Variants in MMADHC observed in about 807,000 individuals in gnomAD.
MMADHC encodes the protein cobalamin trafficking protein CblD.
In MMADHC, 23 loss-of-function variants were observed where a neutral mutation model predicts 36.3. The ratio of observed to expected loss-of-function variants is 0.63; its 90% CI spans 0.46 to 0.90. MMADHC has a LOEUF of 0.90. MMADHC is among the 40% of genes least tolerant of loss of function. The pLI is 0.00. For missense variants in MMADHC, 330 were observed against 348.0 expected, an observed-to-expected ratio of 0.95 and a Z score of 0.41; for synonymous variants, 97 against 116.1, an observed-to-expected ratio of 0.84 and a Z score of 1.06.
At chr2:149,583,972 G>A (rs1682828510) in intron 2 of MMADHC, among the ~76,000 whole-genome samples, 1 of 151,984 alleles carries the variant, frequency 6.6e-6, no homozygotes, top group South Asian at 2.1e-4. Context: ...TTAAGACCTG[G>A]ATAAATATAA....
In MMADHC at chr2:149,576,492, A is replaced by C; in HGVS notation, c.423T>G (p.Phe141Leu). The C allele has an allele frequency of 6.2e-7, 1 of 1,613,780 alleles. No individual in the cohort carries two copies. ...TTGCACACTCTACTCTGGCACTTTCAAAGTAAGTTTCTGCACTGTTAATTT... is the reference window on the plus strand; with the variant it reads ...TTGCACACTCTACTCTGGCACTTTCCAAGTAAGTTTCTGCACTGTTAATTT... The part of the protein sequence containing the change: ...EQEINSAETY[F>L]ESARVECAIQ... The change falls in exon 5 of 8, where the codon TTT becomes TTG. Residue 141 changes from phenylalanine to leucine, a missense_variant. Transcript: ENST00000303319.
rs11545261 is a variant in MMADHC at position 149,576,462 on chromosome 2, C to T, written c.453G>A (p.Gln151=). ...FESARVECAI[Q]TCPELLRKDF... ...CTTTTCGCAGCAATTCTGGACATGT[C>T]TGTATTGCACACTCTACTCTGGCAC... Residue 151 remains glutamine (Q), a synonymous_variant, in exon 5 of 8, where the codon CAG becomes CAA. Coordinates refer to ENST00000303319, the MANE Select transcript of MMADHC (RefSeq NM_015702.3). 1,429,093 of 1,611,946 alleles carry T rather than the reference C, an allele frequency of 0.89. 639,717 individuals carry two copies. Among genetic ancestry groups the T allele is most frequent in the Non-Finnish European group, 0.91 (1,071,372 of 1,178,314 alleles).
chr2:149,583,446 A>C (rs935679730), intron 2 of MMADHC, among the ~76,000 whole-genome samples: 3 of 152,184 alleles, frequency 2.0e-5, no homozygotes, highest in Admixed American at 2.0e-4. Flanking sequence ...GGCAACTATA[A>C]AAGACTGTAT....
chr2:149,579,849 G>A (rs956734663), intron 3 of MMADHC, among the ~76,000 whole-genome samples: 2 of 152,102 alleles, frequency 1.3e-5, no homozygotes, highest in Non-Finnish European at 2.9e-5. Context: ...AGGCAAGTCC[G>A]TTATTAGGGG....
intron 2 of MMADHC, among the ~76,000 whole-genome samples, chr2:149,584,364 TTTTA>T (rs1442195640): frequency 1.3e-5 from 2 of 152,226 alleles, no homozygotes; most frequent in Admixed American, 1.3e-4. Flanking sequence ...ATATACATTG[TTTTA>T]TTTAATTTTC....
At chr2:149,578,113 A>G (rs1682742987) in intron 4 of MMADHC, among the ~76,000 whole-genome samples, 2 of 152,212 alleles carry the variant, frequency 1.3e-5, no homozygotes. Flanking sequence ...AGTAAGTTGC[A>G]GAGTCAATCT....
At chr2:149,572,624 A>G (rs970535671) in intron 6 of MMADHC, among the ~76,000 whole-genome samples, 1 of 152,108 alleles carries the variant, frequency 6.6e-6, no homozygotes, top group Non-Finnish European at 1.5e-5. Context: ...AGGAGATAGA[A>G]AGCAAGAGTT....
chr2:149,581,995 G>C, intron 3 of MMADHC, 132 bp downstream of exon 3: 1 of 938,304 alleles, frequency 1.1e-6, no homozygotes. Flanking sequence ...AGGCAGAGCT[G>C]TGATTCATTT....
chr2:149,587,143 G>C lies in MMADHC; in HGVS notation c.-46C>G. 6 of 1,595,924 alleles carry C rather than the reference G, an allele frequency of 3.8e-6. No homozygotes were observed. Among genetic ancestry groups the C allele is most frequent in the Non-Finnish European group, 5.2e-6 (6 of 1,163,570 alleles). ...CGCAAAATAGCTTTCCTTTGGTAAA[G>C]TTATTTCTGGGAAAGAACACAACAA... is the stretch of plus-strand genomic sequence containing the variant. On this transcript the variant is annotated 5_prime_UTR_variant, in exon 2 of 8. Transcript: ENST00000303319.
Position 149,569,767 on chromosome 2 carries a change from T to C in MMADHC, c.*207A>G. The stretch of plus-strand genomic sequence containing the variant: ...GCTAATTACCACATCCTATACAATG[T>C]GGATGTGTTCAACGTGTATTCAATG... On this transcript the variant is annotated 3_prime_UTR_variant, in exon 8 of 8. Coordinates refer to ENST00000303319, the MANE Select transcript of MMADHC (RefSeq NM_015702.3). 1 of 536,768 alleles carries C rather than the reference T, an allele frequency of 1.9e-6. No individual in the cohort carries two copies. 33.3% of individuals were successfully genotyped at this position (536,768 alleles called of 1,614,324 possible). A position where few individuals can be genotyped will look rare whatever the true frequency, so the allele number is the denominator to read the frequency against.
intron 6 of MMADHC, chr2:149,572,144 A>G: frequency 2.8e-6 from 1 of 359,654 alleles, no homozygotes; most frequent in Non-Finnish European, 5.3e-6. Context: ...AAGTAGTGAA[A>G]AGACAGTAAC....
chr2:149,580,871 T>C (rs1289418590), intron 3 of MMADHC, among the ~76,000 whole-genome samples: 3 of 152,192 alleles, frequency 2.0e-5, no homozygotes, highest in Non-Finnish European at 2.9e-5. Context: ...TAAATGCAGA[T>C]TCTGATTTAA....
chr2:149,579,973 A>G (rs1487939656), intron 3 of MMADHC, among the ~76,000 whole-genome samples: 1 of 152,232 alleles, frequency 6.6e-6, no homozygotes, highest in Admixed American at 6.5e-5. Flanking sequence ...ACAATGCGTT[A>G]AAAGAAAAAG....
chr2:149,570,944 A>G (rs1682629539), intron 7 of MMADHC, 141 bp downstream of exon 7: 1 of 642,302 alleles, frequency 1.6e-6, no homozygotes, highest in East Asian at 2.8e-5. Flanking sequence ...TGAGAATTCA[A>G]CTGACTCACA....
intron 3 of MMADHC, among the ~76,000 whole-genome samples, chr2:149,580,383 A>G (rs568059699): frequency 2.0e-5 from 3 of 152,316 alleles, no homozygotes; most frequent in South Asian, 4.1e-4. Context: ...CATGCATCAC[A>G]TGACCTAATG....
At position 149,571,168 on chromosome 2, in the gene MMADHC, TG is replaced by T; in HGVS notation, c.612del (p.Phe204LeufsTer49). ...TAGCAAATTTCCTTAGCACCATTGA[TG>T]AACTGCAATGGAAGTCACAAATAAT... ...EIEREVLLEK[F>X]INGAKEICYA... On this transcript the variant is annotated frameshift_variant and splice_region_variant, in exon 7 of 8. Transcript: ENST00000303319. LOFTEE classifies it high-confidence loss of function. 6.3e-7 allele frequency: 1 copy of T among 1,597,808 alleles called. No homozygotes were observed. Among genetic ancestry groups the T allele is most frequent in the Non-Finnish European group, 8.6e-7 (1 of 1,167,734 alleles).
At chr2:149,584,012 T>C (rs1223651728) in intron 2 of MMADHC, among the ~76,000 whole-genome samples, 3 of 152,206 alleles carry the variant, frequency 2.0e-5, no homozygotes, top group African/African-American at 7.2e-5. Flanking sequence ...CTCCAAAGCA[T>C]TCTGTCAACC....
At chr2:149,577,663 A>G (rs929012593) in intron 4 of MMADHC, among the ~76,000 whole-genome samples, 1 of 152,054 alleles carries the variant, frequency 6.6e-6, no homozygotes, top group African/African-American at 2.4e-5. Context: ...GTCTCAAAAA[A>G]AAAGAAAGAA....
At chr2:149,575,917 G>C in intron 5 of MMADHC, 76 bp from the exon 6 acceptor site, 2 of 1,156,104 alleles carry the variant, frequency 1.7e-6, no homozygotes, top group Non-Finnish European at 2.5e-6. Flanking sequence ...AAGGATAAAA[G>C]TACTTCTTTA....
Sources: allele counts gnomAD v4.1 joint callset (sites outside exome capture counted in the v4.1 genomes callset), GRCh38; gene constraint gnomAD v4.1.1; transcripts MANE v1.5; gene names NCBI Gene and HGNC (gene_info 2026-07-23, HGNC 2026-07-21).